Variants in A2ML1 observed in about 807,000 individuals in gnomAD.
A2ML1 encodes alpha-2-macroglobulin like 1, also known as alpha-2-macroglobulin-like protein 1.
A2ML1 carries 161 observed loss-of-function variants against 181.9 expected under a neutral mutation model. The observed-to-expected ratio is 0.89, with a 90% CI of 0.78 to 1.01. The LOEUF is 1.01. Among genes scored for constraint, A2ML1 ranks in the 50% least tolerant of loss-of-function variants. The pLI, the probability that A2ML1 is intolerant of heterozygous loss-of-function variation, is 0.00. For missense variants in A2ML1, 1,670 were observed against 1,768.1 expected (o/e 0.94, Z 1.00); for synonymous variants, 663 against 666.8 (o/e 0.99, Z 0.09).
chr12:8,883,362 A>G (rs1324386671), intron 7 of A2ML1, among the ~76,000 whole-genome samples: 1 of 152,162 alleles, frequency 6.6e-6, no homozygotes, highest in Non-Finnish European at 1.5e-5. Flanking sequence ...CACGTGCCCA[A>G]CTAAAATCGT....
At position 8,847,234 on chromosome 12, in the gene A2ML1, C is replaced by G. The variant is rs763985998; in HGVS notation, c.1684-315C>G. On this transcript the variant is annotated intron_variant, in intron 14 of 35. Transcript: ENST00000299698. ...AATGTGCTGGGATTACAGGCATGACCCTGTCTCTATTAAAAAAAAAAAAAA... is the reference window on the plus strand; with the variant it reads ...AATGTGCTGGGATTACAGGCATGACGCTGTCTCTATTAAAAAAAAAAAAAA... Among the ~76,000 whole-genome samples, 1,062 of 126,382 alleles carry G rather than the reference C, an allele frequency of 8.4e-3. 12 individuals are homozygous for G. The highest frequency in any genetic ancestry group is 0.031 in the African/African-American group (985 of 32,022). 82.9% of individuals were successfully genotyped at this position (126,382 alleles called of 152,430 possible). A position where few individuals can be genotyped will look rare whatever the true frequency, so the allele number is the denominator to read the frequency against.
chr12:8,854,323 C>A, intron 21 of A2ML1, 74 bp downstream of exon 21: 1 of 1,507,148 alleles, frequency 6.6e-7, no homozygotes, highest in Non-Finnish European at 8.9e-7. Context: ...GTGAGTTAGT[C>A]TCTCACAGCA....
intron 28 of A2ML1, among the ~76,000 whole-genome samples, chr12:8,863,162 A>G (rs1354777149): frequency 6.7e-6 from 1 of 149,322 alleles, no homozygotes; most frequent in East Asian, 2.0e-4. Flanking sequence ...GTTGGAGTGC[A>G]TTGGCGTGAT....
chr12:8,877,855 A>G (rs1944828251), downstream of A2ML1, among the ~76,000 whole-genome samples: 1 of 152,196 alleles, frequency 6.6e-6, no homozygotes, highest in South Asian at 2.1e-4. Flanking sequence ...AAGGAAATAC[A>G]TCTTTCTACC....
chr12:8,874,536 G>C lies in A2ML1; in HGVS notation c.4324+9G>C. 1 of 1,602,688 alleles carries C rather than the reference G, an allele frequency of 6.2e-7. No individual in the cohort carries two copies. Among genetic ancestry groups the C allele is most frequent in the Non-Finnish European group, 8.5e-7 (1 of 1,169,924 alleles). On this transcript the variant is annotated intron_variant, in intron 34 of 35. Coordinates refer to ENST00000299698, the MANE Select transcript of A2ML1 (RefSeq NM_144670.6). Reference sequence around the variant, plus strand: ...TGACTACTACCTACCAGGTGAGAGGGCTGAGCTGAAATGAGATCTGAGATC... The same window carrying C: ...TGACTACTACCTACCAGGTGAGAGGCCTGAGCTGAAATGAGATCTGAGATC...
intron 7 of A2ML1, among the ~76,000 whole-genome samples, chr12:8,883,348 C>T (rs1283690227): frequency 6.6e-6 from 1 of 152,180 alleles, no homozygotes; most frequent in African/African-American, 2.4e-5. Flanking sequence ...TTATTTGGAG[C>T]AGCCACGTGC....
At chr12:8,865,571 A>AT (rs1236293757) in intron 29 of A2ML1, among the ~76,000 whole-genome samples, 1 of 152,208 alleles carries the variant, frequency 6.6e-6, no homozygotes, top group Non-Finnish European at 1.5e-5. Context: ...AACAACAACA[A>AT]TTTTAACTTT....
rs917047914 is a variant in A2ML1 at position 8,837,449 on chromosome 12, T to C, written c.738T>C (p.Tyr246=). 35 of 1,613,932 alleles carry C rather than the reference T, an allele frequency of 2.2e-5. No individual in the cohort carries two copies. Among genetic ancestry groups the C allele is most frequent in the Non-Finnish European group, 2.6e-5 (31 of 1,179,914 alleles). Residue 246 remains tyrosine (Y), a synonymous_variant, in exon 8 of 36, where the codon TAT becomes TAC. Coordinates refer to ENST00000299698, the MANE Select transcript of A2ML1 (RefSeq NM_144670.6). ...TGCTTTTCTTGGTTAGGTACACCTA[T>C]GGAAAGCCCATGCTAGGGGCAGTGC... ...FLVKICCRYT[Y]GKPMLGAVQV... is the part of the protein sequence containing the mutation.
chr12:8,827,646 G>T (rs916853723), intron 3 of A2ML1, among the ~76,000 whole-genome samples: 11 of 152,090 alleles, frequency 7.2e-5, no homozygotes, highest in Admixed American at 4.6e-4. Context: ...TTCCAACATG[G>T]TCTTGATGTG....
chr12:8,857,430 T>C, intron 24 of A2ML1, 77 bp from the exon 25 acceptor site: 1 of 1,604,926 alleles, frequency 6.2e-7, no homozygotes, highest in Non-Finnish European at 8.5e-7. Flanking sequence ...GCCCCTCAAG[T>C]GTCCCATATC....
chr12:8,834,181 A>G (rs993713959), intron 4 of A2ML1, among the ~76,000 whole-genome samples: 1 of 152,156 alleles, frequency 6.6e-6, no homozygotes, highest in African/African-American at 2.4e-5. Flanking sequence ...TCTCCAATGG[A>G]ACTATTTCAA....
chr12:8,847,166 C>T (rs757050805), intron 14 of A2ML1, among the ~76,000 whole-genome samples: 1 of 111,072 alleles, frequency 9.0e-6, no homozygotes, highest in South Asian at 3.4e-4. Context: ...CCAGGCTGGT[C>T]TTGAACTCCT....
At chr12:8,864,074 A>C in intron 29 of A2ML1, 66 bp downstream of exon 29, 1 of 1,461,352 alleles carries the variant, frequency 6.8e-7, no homozygotes. Context: ...AGATAGAGGA[A>C]AACATATTGT....
chr12:8,844,424 C>T (rs1228962370), intron 12 of A2ML1, among the ~76,000 whole-genome samples: 5 of 151,950 alleles, frequency 3.3e-5, no homozygotes, highest in Non-Finnish European at 7.4e-5. Context: ...ATTCTGTGTT[C>T]CATTGGTCAA....
intron 26 of A2ML1, 110 bp downstream of exon 26, chr12:8,858,212 C>T: frequency 7.5e-7 from 1 of 1,324,764 alleles, no homozygotes; most frequent in Non-Finnish European, 1.0e-6. Flanking sequence ...TTCTCCTGAT[C>T]TCCACTGTGG....
chr12:8,836,178 T>C (rs943918846), intron 6 of A2ML1, 77 bp from the exon 7 acceptor site: 5 of 1,159,112 alleles, frequency 4.3e-6, no homozygotes, highest in Non-Finnish European at 2.6e-6. Flanking sequence ...TCTCACTGTT[T>C]ATACCCCTCT....
At chr12:8,846,288 C>T (rs142447011) in intron 14 of A2ML1, 66 bp downstream of exon 14, 13 of 1,577,034 alleles carry the variant, frequency 8.2e-6, no homozygotes, top group Admixed American at 3.4e-5. Context: ...GTGTGTGCTG[C>T]GGTTGGAAAC....
At chr12:8,850,991 G>A (rs1943869486) in intron 18 of A2ML1, among the ~76,000 whole-genome samples, 1 of 152,106 alleles carries the variant, frequency 6.6e-6, no homozygotes, top group African/African-American at 2.4e-5. Flanking sequence ...CACCCGCCTT[G>A]GCCTCCCAAA....
chr12:8,840,929 A>AGGAAGAAAGGAAGGAAAGAAGG (rs1943447571), intron 10 of A2ML1, among the ~76,000 whole-genome samples: 1 of 150,780 alleles, frequency 6.6e-6, no homozygotes, highest in East Asian at 1.9e-4. Context: ...AAAGAAAGGA[A>AGGAAGAAAGGAAGGAAAGAAGG]GGAAGAAAGG....
Sources: gnomAD v4.1 joint callset for allele counts (sites outside exome capture counted in the v4.1 genomes callset) on GRCh38, gnomAD v4.1.1 for gene constraint, MANE v1.5 for transcripts, NCBI Gene and HGNC (gene_info 2026-07-23, HGNC 2026-07-21) for gene names.